The following SBF1 variants were observed in gnomAD, a reference collection of about 807,000 sequenced individuals.
SBF1 encodes the protein SET binding factor 1.
SBF1 carries 65 observed loss-of-function variants against 215.8 expected under a neutral mutation model. The ratio of observed to expected loss-of-function variants is 0.30; its 90% CI spans 0.25 to 0.37. The LOEUF is 0.37. SBF1 is among the 10% of genes least tolerant of loss of function. SBF1 has a pLI of 1.00. For missense variants in SBF1, 2,634 were observed against 2,667.8 expected (o/e 0.99, Z 0.28); for synonymous variants, 1,410 against 1,122.8 (o/e 1.26, Z -5.11).
At chr22:50,456,145 C>A (rs901124676) in intron 31 of SBF1, 71 bp downstream of exon 31, 4 of 1,505,008 alleles carry the variant, frequency 2.7e-6, no homozygotes, top group East Asian at 2.3e-5. Context: ...AACCTAGACC[C>A]GTCCACTTGG....
rs1163430244 is a variant in SBF1 at position 50,464,812 on chromosome 22, C to T, written c.1431+7G>A. 1 of 1,613,526 alleles carries T rather than the reference C, an allele frequency of 6.2e-7. No homozygotes were observed. Among genetic ancestry groups the T allele is most frequent in the Non-Finnish European group, 8.5e-7 (1 of 1,179,950 alleles). On this transcript the variant is annotated splice_region_variant and intron_variant, in intron 13 of 40. Coordinates refer to ENST00000380817, the MANE Select transcript of SBF1 (RefSeq NM_002972.4). ...TACGACGCCCTCCCGTCCTGCTACC[C>T]TCGTACGTTCTTGTAGAGCTGCTCT...
chr22:50,452,866 G>A (rs1217872502), intron 36 of SBF1, among the ~76,000 whole-genome samples: 1 of 151,728 alleles, frequency 6.6e-6, no homozygotes, highest in Non-Finnish European at 1.5e-5. Context: ...ACAGGGTGAT[G>A]TAATTTCAAG....
chr22:50,460,874 T>TA (rs1336619158), intron 23 of SBF1, among the ~76,000 whole-genome samples, 162 bp from the exon 24 acceptor site: 1 of 152,104 alleles, frequency 6.6e-6, no homozygotes, highest in Non-Finnish European at 1.5e-5. Context: ...AGCGCTTGTG[T>TA]AAACTCGAAA....
intron 2 of SBF1, 70 bp from the exon 3 acceptor site, chr22:50,467,993 CATCTGCACCA>C: frequency 6.4e-7 from 1 of 1,571,010 alleles, no homozygotes; most frequent in Admixed American, 1.8e-5. Flanking sequence ...CCCGCCCCAG[CATCTGCACCA>C]CCAGGCCTGG....
intron 23 of SBF1, 48 bp downstream of exon 23, chr22:50,461,111 A>C (rs1051545352): frequency 6.5e-7 from 1 of 1,543,584 alleles, no homozygotes; most frequent in African/African-American, 1.4e-5. Flanking sequence ...TTTGCAGGAG[A>C]AAGACCAGGG....
chr22:50,454,237 G>A (rs185447436), intron 36 of SBF1, among the ~76,000 whole-genome samples: 2 of 152,218 alleles, frequency 1.3e-5, no homozygotes, highest in Admixed American at 6.5e-5. Flanking sequence ...CACGTGCTCA[G>A]AGTGGAGGCT....
chr22:50,450,499 A>G (rs1197183159), intron 36 of SBF1, among the ~76,000 whole-genome samples: 1 of 151,518 alleles, frequency 6.6e-6, no homozygotes, highest in Non-Finnish European at 1.5e-5. Context: ...CCAGCCTGGG[A>G]GACAAAGTGA....
chr22:50,460,060 C>A lies in SBF1; in HGVS notation c.3383G>T (p.Arg1128Leu), dbSNP rs746920755. 2 of 1,613,964 alleles carry A rather than the reference C, an allele frequency of 1.2e-6. No homozygotes were observed. The highest frequency in any genetic ancestry group is 1.7e-6 in the Non-Finnish European group (2 of 1,179,978). The change falls in exon 26 of 41, where the codon CGC becomes CTC. Residue 1128 changes from arginine (R) to leucine (L), a missense_variant. By Grantham distance (102) the Arg-to-Leu change is moderately radical. Coordinates refer to ENST00000380817, the MANE Select transcript of SBF1 (RefSeq NM_002972.4). ...MSSLVERACC[R>L]DYQRLGLGTL... The stretch of plus-strand genomic sequence containing the variant: ...GCCCAGACCGAGGCGCTGGTAGTCG[C>A]GACAGCAAGCCCTTTCCACCAGGCT...
Position 50,466,272 on chromosome 22 carries a change from AG to A in SBF1, c.789-15del. On this transcript the variant is annotated splice_polypyrimidine_tract_variant and intron_variant, in intron 7 of 40. Coordinates refer to ENST00000380817, the MANE Select transcript of SBF1 (RefSeq NM_002972.4). Reference sequence around the variant, plus strand: ...ACATAGGTGAAGCTGTGCAGGCCCCAGAGGATGCAGTGAGCCAGGGGACGCG... The same window carrying A: ...ACATAGGTGAAGCTGTGCAGGCCCCAAGGATGCAGTGAGCCAGGGGACGCG... The A allele has an allele frequency of 3.1e-6, 5 of 1,613,414 alleles. No homozygotes were observed. The highest frequency in any genetic ancestry group is 4.2e-6 in the Non-Finnish European group (5 of 1,179,948).
At chr22:50,462,522 T>TAGCCCCCAGCCCCC (rs753164948) in intron 18 of SBF1, 37 bp downstream of exon 18, 1 of 1,587,786 alleles carries the variant, frequency 6.3e-7, no homozygotes, top group Non-Finnish European at 8.6e-7. Flanking sequence ...CCCCAGCCCC[T>TAGCCCCCAGCCCCC]AGCCCCCAGC....
rs949098704 is a variant in SBF1, at chr22:50,462,586, C to T, written c.2100G>A (p.Glu700=). 6.2e-7 allele frequency: 1 copy of T among 1,612,064 alleles called. No homozygotes were observed. Among genetic ancestry groups the T allele is most frequent in the African/African-American group, 1.3e-5 (1 of 74,908 alleles). Residue 700 remains glutamate, a synonymous_variant, in exon 18 of 41, where the codon GAG becomes GAA. Transcript: ENST00000380817. The part of the protein sequence containing the change: ...VQTHIRALYL[E]PTEDLAPAQE... ...GGGCGGGGGCCAGGTCCTCCGTGGG[C>T]TCCAGGTAGAGGGCCCGGATGTGAG... is the stretch of plus-strand genomic sequence containing the variant.
Position 50,474,950 on chromosome 22 carries a change from AC to A in SBF1, c.-111del. ...CGGCCCTGGACCGCGCACCCCGGAC[AC>A]CCCTGGTTCGCTCCGCGGCGGCGGC... On this transcript the variant is annotated 5_prime_UTR_variant, in exon 1 of 41. It removes the in-frame stop codon of an upstream open reading frame in the 5' UTR. Transcript: ENST00000380817. 1.4e-6 allele frequency: 1 copy of A among 703,932 alleles called. No homozygotes were observed. Among genetic ancestry groups the A allele is most frequent in the Non-Finnish European group, 1.9e-6 (1 of 538,068 alleles). 43.6% of individuals were successfully genotyped at this position (703,932 alleles called of 1,614,324 possible).
rs1474230624 is a variant in SBF1, at chr22:50,465,103, C to T, written c.1230G>A (p.Leu410=). 1 of 1,614,130 alleles carries T rather than the reference C, an allele frequency of 6.2e-7. No individual in the cohort carries two copies. Among genetic ancestry groups the T allele is most frequent in the East Asian group, 2.2e-5 (1 of 44,888 alleles). ...HKAAFLGQRG[L]VEDDFLMKVL... is the part of the protein sequence containing the mutation. ...CCTTCATCAGGAAATCGTCCTCTAC[C>T]AGCCCACGCTGGCCCAGGAAGGCTG... Residue 410 remains leucine (L), a synonymous_variant, in exon 12 of 41, where the codon CTG becomes CTA. Transcript: ENST00000380817.
rs377500587 is a variant in SBF1, at chr22:50,455,281, G to C, written c.4497C>G (p.Ala1499=). 3.1e-6 allele frequency: 5 copies of C among 1,613,458 alleles called. No individual in the cohort carries two copies. The highest frequency in any genetic ancestry group is 3.4e-6 in the Non-Finnish European group (4 of 1,179,888). Reference sequence around the variant, plus strand: ...CGGGTGTGAAGCCGCTGCTCTGCCCGGCCAGGGTGTGAGCTCCACGGTGGC... The same window carrying C: ...CGGGTGTGAAGCCGCTGCTCTGCCCCGCCAGGGTGTGAGCTCCACGGTGGC... ...RFSHRGAHTL[A]GQSSGFTPVF... The change falls in exon 33 of 41, where the codon GCC becomes GCG. Residue 1499 remains alanine (A), a synonymous_variant. Coordinates refer to ENST00000380817, the MANE Select transcript of SBF1 (RefSeq NM_002972.4).
Position 50,456,479 on chromosome 22 carries a change from G to A in SBF1, c.4086+13C>T, listed in dbSNP as rs578260126. The A allele has an allele frequency of 3.8e-4, 155 of 408,228 alleles. No individual in the cohort carries two copies. Among genetic ancestry groups the A allele is most frequent in the African/African-American group, 6.6e-4 (15 of 22,812 alleles). The allele number at this position is 408,228 out of a possible 1,614,324, so 25.3% of individuals were successfully genotyped here. A position where few individuals can be genotyped will look rare whatever the true frequency, so the allele number is the denominator to read the frequency against. On this transcript the variant is annotated intron_variant, in intron 30 of 40. Coordinates refer to ENST00000380817, the MANE Select transcript of SBF1 (RefSeq NM_002972.4). The stretch of plus-strand genomic sequence containing the variant: ...CCCCCACCCTCACCCCCCACCCCCC[G>A]CACCCCAGTCACCTTGAGCTGGGCT...
intron 4 of SBF1, 40 bp from the exon 5 acceptor site, chr22:50,467,488 G>A (rs746811191): frequency 1.2e-5 from 19 of 1,613,918 alleles, no homozygotes; most frequent in Non-Finnish European, 1.6e-5. Flanking sequence ...ACAGCCGATG[G>A]AAGCACCCTC....
chr22:50,459,928 G>A (rs777956888), intron 26 of SBF1, 24 bp downstream of exon 26: 14 of 1,611,772 alleles, frequency 8.7e-6, no homozygotes, highest in East Asian at 2.2e-5. Flanking sequence ...TCCACCACCC[G>A]GGCCAGCCCT....
Position 50,459,465 on chromosome 22 carries a change from G to A in SBF1, c.3688+5C>T. 2 of 1,611,142 alleles carry A rather than the reference G, an allele frequency of 1.2e-6. No individual in the cohort carries two copies. The highest frequency in any genetic ancestry group is 1.7e-6 in the Non-Finnish European group (2 of 1,179,728). ...GGCAGGCACAGGGCAGGACGCAGGA[G>A]GTACCTGGAGAAGGTGCGTTCTGGG... On this transcript the variant is annotated splice_donor_5th_base_variant and intron_variant, in intron 27 of 40. Transcript: ENST00000380817.
chr22:50,462,529 C>T (rs2067562365), intron 18 of SBF1, 30 bp downstream of exon 18: 4 of 1,609,986 alleles, frequency 2.5e-6, no homozygotes, highest in Non-Finnish European at 3.4e-6. Flanking sequence ...CCCTAGCCCC[C>T]AGCCCCCAGC....
Sources: allele counts gnomAD v4.1 joint callset (sites outside exome capture counted in the v4.1 genomes callset), GRCh38; gene constraint gnomAD v4.1.1; transcripts MANE v1.5; gene names NCBI Gene and HGNC (gene_info 2026-07-23, HGNC 2026-07-21).